Variants in GNA12 observed in about 807,000 individuals in gnomAD.
GNA12 encodes G protein subunit alpha 12, also known as guanine nucleotide-binding protein subunit alpha-12.
Under a neutral mutation model 26.0 loss-of-function variants are expected in GNA12, and 9 were observed. The ratio of observed to expected loss-of-function variants is 0.35; its 90% CI spans 0.21 to 0.60. The LOEUF (loss-of-function observed/expected upper bound fraction) is 0.60, where lower values mean the gene tolerates loss of function less well. Ranked by LOEUF, GNA12 falls within the 20% of genes least tolerant of loss-of-function variation. GNA12 has a pLI of 0.78. For synonymous variants in GNA12, 264 were observed against 219.6 expected, an observed-to-expected ratio of 1.20 and a Z score of -1.79; for missense variants, 405 against 525.8, an observed-to-expected ratio of 0.77 and a Z score of 2.25.
chr7:2,757,238 C>T (rs1357369966), intron 2 of GNA12, among the ~76,000 whole-genome samples: 1 of 146,072 alleles, frequency 6.8e-6, no homozygotes, highest in African/African-American at 2.6e-5. Context: ...CGGGTTCACG[C>T]CATTCTCCTG....
At chr7:2,787,673 C>T (rs987895952) in intron 2 of GNA12, among the ~76,000 whole-genome samples, 3 of 152,252 alleles carry the variant, frequency 2.0e-5, no homozygotes, top group South Asian at 2.1e-4. Context: ...TGTGGGTCCA[C>T]GCTGACTGCT....
At chr7:2,834,434 T>C (rs893173575) in intron 1 of GNA12, among the ~76,000 whole-genome samples, 5 of 152,214 alleles carry the variant, frequency 3.3e-5, no homozygotes, top group African/African-American at 1.2e-4. Flanking sequence ...TAAAGTTACT[T>C]GTGCAACTGT....
intron 1 of GNA12, among the ~76,000 whole-genome samples, chr7:2,796,537 G>A (rs993443430): frequency 2.6e-5 from 4 of 152,070 alleles, no homozygotes; most frequent in African/African-American, 9.7e-5. Flanking sequence ...AGCTTAAAAC[G>A]GGTGGGAAAA....
At chr7:2,737,904 G>A (rs145868113) in intron 2 of GNA12, among the ~76,000 whole-genome samples, 4 of 152,092 alleles carry the variant, frequency 2.6e-5, no homozygotes, top group African/African-American at 9.7e-5. Context: ...TTTAAAAACA[G>A]TATCTAGTTC....
chr7:2,763,978 G>A (rs1791695320), intron 2 of GNA12, among the ~76,000 whole-genome samples: 1 of 152,236 alleles, frequency 6.6e-6, no homozygotes, highest in Admixed American at 6.5e-5. Flanking sequence ...AGGGGCATGA[G>A]AACAGGGTAC....
At chr7:2,795,170 AT>A (rs1554261067) in intron 1 of GNA12, 27 bp from the exon 2 acceptor site, 1 of 1,547,474 alleles carries the variant, frequency 6.5e-7, no homozygotes, top group Non-Finnish European at 8.9e-7. Context: ...AGAAGAGAGG[AT>A]TTAATTGCAT....
At chr7:2,823,699 A>G (rs1327060851) in intron 1 of GNA12, among the ~76,000 whole-genome samples, 1 of 126,692 alleles carries the variant, frequency 7.9e-6, no homozygotes, top group African/African-American at 3.0e-5. Flanking sequence ...TAGGCAAGCT[A>G]AAAAAAAAAT....
intron 1 of GNA12, among the ~76,000 whole-genome samples, chr7:2,822,672 C>A (rs537048988): frequency 6.6e-6 from 1 of 152,258 alleles, no homozygotes; most frequent in East Asian, 1.9e-4. Context: ...ATTAGCCAGG[C>A]GTGGTGGTGC....
At chr7:2,815,339 A>T (rs949531859) in intron 1 of GNA12, 52 of 196,428 alleles carry the variant, frequency 2.6e-4, no homozygotes, top group African/African-American at 1.2e-3. Context: ...CAGGGGCAGG[A>T]GGAGCTTTCC....
chr7:2,821,175 TG>T (rs1474284206), intron 1 of GNA12, among the ~76,000 whole-genome samples: 1 of 152,240 alleles, frequency 6.6e-6, no homozygotes, highest in South Asian at 2.1e-4. Context: ...TAAGAATTTT[TG>T]TGATGACGCT....
intron 2 of GNA12, among the ~76,000 whole-genome samples, chr7:2,752,423 G>C (rs1330871846): frequency 2.0e-5 from 3 of 152,130 alleles, no homozygotes; most frequent in Non-Finnish European, 2.9e-5. Flanking sequence ...TCAATGCTAA[G>C]TTAGAAAGAC....
At position 2,814,490 on chromosome 7, in the gene GNA12, T is replaced by C. The variant is rs1793167495; in HGVS notation, c.310-19347A>G. ...AGCTTCTCCAAGCTCACAAATAAAATCAAAGACACAAACCAAGACTTTGAG... is the reference window on the plus strand; with the variant it reads ...AGCTTCTCCAAGCTCACAAATAAAACCAAAGACACAAACCAAGACTTTGAG... On this transcript the variant is annotated intron_variant, in intron 1 of 3. Transcript: ENST00000275364. 1.0e-5 allele frequency: 8 copies of C among 803,332 alleles called. No homozygotes were observed. The South Asian group carries it at 1.2e-4, about 12-fold the overall frequency. The allele number at this position is 803,332 out of a possible 1,614,324, so 49.8% of individuals were successfully genotyped here.
At chr7:2,781,412 C>CTGTGTGTGTGTGTGTGTGTGTGTGTG (rs58348546) in intron 2 of GNA12, among the ~76,000 whole-genome samples, 1 of 143,616 alleles carries the variant, frequency 7.0e-6, no homozygotes, top group Non-Finnish European at 1.5e-5. Flanking sequence ...AAGTAAGTGT[C>CTGTGTGTGTGTGTGTGTGTGTGTGTG]TGTGTGTGTG....
At chr7:2,772,850 C>A (rs1791983197) in intron 2 of GNA12, among the ~76,000 whole-genome samples, 1 of 152,186 alleles carries the variant, frequency 6.6e-6, no homozygotes, top group Non-Finnish European at 1.5e-5. Flanking sequence ...ATGTTCAAAG[C>A]AGCTTTACTC....
intron 2 of GNA12, among the ~76,000 whole-genome samples, chr7:2,783,226 T>G (rs1291318718): frequency 6.6e-6 from 1 of 152,184 alleles, no homozygotes; most frequent in East Asian, 1.9e-4. Flanking sequence ...GGTTAAAGTG[T>G]CTTTCCAGAG....
intron 1 of GNA12, among the ~76,000 whole-genome samples, chr7:2,829,736 G>C (rs886331322): frequency 6.6e-6 from 1 of 152,036 alleles, no homozygotes; most frequent in Non-Finnish European, 1.5e-5. Context: ...CTTTAGGGAC[G>C]GTGTTTCGGA....
intron 1 of GNA12, among the ~76,000 whole-genome samples, chr7:2,836,632 A>G (rs1352307607): frequency 6.6e-6 from 1 of 152,138 alleles, no homozygotes; most frequent in Non-Finnish European, 1.5e-5. Flanking sequence ...TATTCCAAAT[A>G]ACAAGAGAAG....
chr7:2,788,253 C>T (rs555591818), intron 2 of GNA12, among the ~76,000 whole-genome samples: 1 of 152,330 alleles, frequency 6.6e-6, no homozygotes, highest in African/African-American at 2.4e-5. Flanking sequence ...CCAGGCTGCT[C>T]AACAGCTCCT....
At chr7:2,819,816 C>T (rs756737929) in intron 1 of GNA12, among the ~76,000 whole-genome samples, 1 of 152,160 alleles carries the variant, frequency 6.6e-6, no homozygotes, top group Non-Finnish European at 1.5e-5. Context: ...TTCAGAAACA[C>T]TCGGGTAGCT....
Sources: gnomAD v4.1 joint callset for allele counts (sites outside exome capture counted in the v4.1 genomes callset) on GRCh38, gnomAD v4.1.1 for gene constraint, MANE v1.5 for transcripts, NCBI Gene and HGNC (gene_info 2026-07-23, HGNC 2026-07-21) for gene names.